The following ABLIM2 variants were observed in gnomAD, a reference collection of about 807,000 sequenced individuals.
The protein encoded by ABLIM2 is actin binding LIM protein family member 2.
In ABLIM2, 53 loss-of-function variants were observed where a neutral mutation model predicts 97.7. That is an observed-to-expected ratio of 0.54 (90% CI 0.44 to 0.68). The LOEUF is 0.68. Ranked by LOEUF, ABLIM2 falls within the 30% of genes least tolerant of loss-of-function variation. The pLI, the probability that ABLIM2 is intolerant of heterozygous loss-of-function variation, is 0.00. For synonymous variants in ABLIM2, 361 were observed against 345.8 expected (o/e 1.04, Z -0.49); for missense variants, 835 against 867.2 (o/e 0.96, Z 0.47).
chr4:8,116,795 C>T (rs1056509434), intron 1 of ABLIM2, among the ~76,000 whole-genome samples: 12 of 145,784 alleles, frequency 8.2e-5, no homozygotes, highest in African/African-American at 3.0e-4. Flanking sequence ...ACAGCAGCTT[C>T]CCTGCTCTGG....
At position 8,088,294 on chromosome 4, in the gene ABLIM2, G is replaced by T; in HGVS notation, c.339-10C>A. 1 of 1,609,478 alleles carries T rather than the reference G, an allele frequency of 6.2e-7. No individual in the cohort carries two copies. The highest frequency in any genetic ancestry group is 1.1e-5 in the South Asian group (1 of 90,340). ...GGGGGGGAAGGGCAGCCTGAAACAA[G>T]AGAGCTCGTTACCAGCCAGGCCCAC... On this transcript the variant is annotated splice_polypyrimidine_tract_variant and intron_variant, in intron 3 of 20. Coordinates refer to ENST00000447017, the MANE Select transcript of ABLIM2 (RefSeq NM_001130083.2).
chr4:8,070,380 G>A (rs183174625), intron 6 of ABLIM2, among the ~76,000 whole-genome samples: 22 of 151,986 alleles, frequency 1.4e-4, no homozygotes, highest in Non-Finnish European at 3.2e-4. Flanking sequence ...CTGTGGGGGT[G>A]GCACTATGAA....
intron 8 of ABLIM2, among the ~76,000 whole-genome samples, chr4:8,049,067 T>G (rs1343043773): frequency 6.6e-6 from 1 of 152,180 alleles, no homozygotes; most frequent in Non-Finnish European, 1.5e-5. Context: ...CTGTGACCAC[T>G]GCCAGCTGGG....
chr4:8,068,128 C>T lies in ABLIM2; in HGVS notation c.676-7074G>A, dbSNP rs564085217. On this transcript the variant is annotated intron_variant, in intron 6 of 20. Coordinates refer to ENST00000447017, the MANE Select transcript of ABLIM2 (RefSeq NM_001130083.2). The surrounding 1 kb of genome is among the most constrained non-coding windows in gnomAD (Gnocchi z 4.5). ...TGGCCACATCCTCCCAATTGCCACC[C>T]GAGGAGTGCCTGAAACCTCGGCCGC... Among the ~76,000 whole-genome samples, 7 of 152,252 alleles carry T rather than the reference C, an allele frequency of 4.6e-5. No homozygotes were observed. In the East Asian group the frequency reaches 7.7e-4, roughly 17 times the overall value.
chr4:8,011,417 G>T (rs1176649721), intron 14 of ABLIM2, among the ~76,000 whole-genome samples: 6 of 152,208 alleles, frequency 3.9e-5, no homozygotes, highest in Non-Finnish European at 8.8e-5. Context: ...AGCTTGGGTA[G>T]GAAAAGACAG....
chr4:8,038,715 C>G (rs1404610755), intron 9 of ABLIM2, among the ~76,000 whole-genome samples: 1 of 152,196 alleles, frequency 6.6e-6, no homozygotes, highest in East Asian at 1.9e-4. Context: ...CCTCTGGCTG[C>G]CCCTTTGGAG....
At position 8,150,838 on chromosome 4, in the gene ABLIM2, A is replaced by C. The variant is rs1021340813; in HGVS notation, c.10+7842T>G. 6.6e-6 allele frequency among the ~76,000 whole-genome samples: 1 copy of C among 152,118 alleles called. No individual in the cohort carries two copies. Among genetic ancestry groups the C allele is most frequent in the African/African-American group, 2.4e-5 (1 of 41,428 alleles). ...TGGGGCTGGCAGGGGAGACAGCAGG[A>C]CCAGAGAAGGGGAGGGGAAGCTATG... On this transcript the variant is annotated intron_variant, in intron 1 of 20. Coordinates refer to ENST00000447017, the MANE Select transcript of ABLIM2 (RefSeq NM_001130083.2). This position sits in a 1 kb window ranked among gnomAD's most constrained non-coding sequence, Gnocchi z 6.3.
intron 1 of ABLIM2, among the ~76,000 whole-genome samples, chr4:8,136,608 A>G (rs967819886): frequency 4.6e-5 from 7 of 152,198 alleles, no homozygotes; most frequent in Non-Finnish European, 7.3e-5. Context: ...CCTGTTGCCC[A>G]CCTGAGTACC....
chr4:8,059,591 A>T (rs1394796997), intron 7 of ABLIM2, among the ~76,000 whole-genome samples: 1 of 151,922 alleles, frequency 6.6e-6, no homozygotes, highest in African/African-American at 2.4e-5. Flanking sequence ...CCGTTGTCTC[A>T]GCCTGAGGTC....
chr4:8,106,189 G>A (rs1036971589), intron 2 of ABLIM2, among the ~76,000 whole-genome samples: 1 of 152,188 alleles, frequency 6.6e-6, no homozygotes, highest in East Asian at 1.9e-4. Context: ...ACAGTGCTCA[G>A]GTGGCCACCT....
chr4:7,972,441 G>A (rs1004142470), intron 20 of ABLIM2, among the ~76,000 whole-genome samples: 2 of 152,214 alleles, frequency 1.3e-5, no homozygotes, highest in African/African-American at 4.8e-5. Context: ...CTGGGGCTAT[G>A]CTGTGTCCCT....
intron 6 of ABLIM2, among the ~76,000 whole-genome samples, chr4:8,074,233 C>A (rs1430940162): frequency 6.6e-6 from 1 of 151,994 alleles, no homozygotes; most frequent in African/African-American, 2.4e-5. Context: ...GTGGAAGGAT[C>A]ACTTGAGGCC....
At chr4:7,973,676 C>T (rs554175764) in intron 20 of ABLIM2, among the ~76,000 whole-genome samples, 6 of 152,258 alleles carry the variant, frequency 3.9e-5, no homozygotes, top group African/African-American at 9.6e-5. Flanking sequence ...CCTGTGGCTA[C>T]GGGGTTGTTT....
At chr4:8,152,369 C>T (rs1439607063) in intron 1 of ABLIM2, among the ~76,000 whole-genome samples, 1 of 152,148 alleles carries the variant, frequency 6.6e-6, no homozygotes, top group Non-Finnish European at 1.5e-5. Context: ...GCAGGCATTT[C>T]TTCCTCCGTA....
intron 20 of ABLIM2, among the ~76,000 whole-genome samples, chr4:7,973,375 CCTGTAGTCCCAGCTACCCGGGAGG>C (rs1403696219): frequency 6.9e-6 from 1 of 144,284 alleles, no homozygotes; most frequent in Admixed American, 6.7e-5. Context: ...GTGGTACATG[CCTGTAGTCCCAGCTACCCGGGAGG>C]CTGAGGCAGG....
At chr4:7,993,822 G>T in intron 16 of ABLIM2, 1 of 449,460 alleles carries the variant, frequency 2.2e-6, no homozygotes, top group African/African-American at 2.0e-5. Flanking sequence ...GCTCGCTGGG[G>T]CTGTCAGGAG....
At position 8,140,656 on chromosome 4, in the gene ABLIM2, T is replaced by C. The variant is rs1850841565; in HGVS notation, c.10+18024A>G. 6.6e-6 allele frequency among the ~76,000 whole-genome samples: 1 copy of C among 151,736 alleles called. No individual in the cohort carries two copies. The highest frequency in any genetic ancestry group is 1.5e-5 in the Non-Finnish European group (1 of 67,932). ...GATGATGGAAGCAATGATGATAAAATCGACCCCAGAGAATACACAAGAGGG... is the reference window on the plus strand; with the variant it reads ...GATGATGGAAGCAATGATGATAAAACCGACCCCAGAGAATACACAAGAGGG... On this transcript the variant is annotated intron_variant, in intron 1 of 20. Coordinates refer to ENST00000447017, the MANE Select transcript of ABLIM2 (RefSeq NM_001130083.2). The surrounding 1 kb of genome is among the most constrained non-coding windows in gnomAD (Gnocchi z 5.9).
intron 20 of ABLIM2, 25 bp from the exon 21 acceptor site, chr4:7,967,128 A>C: frequency 2.5e-6 from 4 of 1,591,946 alleles, no homozygotes; most frequent in South Asian, 1.1e-5. Flanking sequence ...GCAAAACAGA[A>C]GGGACCAGTT....
chr4:8,042,154 C>G (rs1209678367), intron 9 of ABLIM2, among the ~76,000 whole-genome samples: 1 of 152,194 alleles, frequency 6.6e-6, no homozygotes, highest in Non-Finnish European at 1.5e-5. Context: ...CAGGGTCTCT[C>G]TGACCGCCTC....
Sources: gnomAD v4.1 joint callset for allele counts (sites outside exome capture counted in the v4.1 genomes callset) on GRCh38, gnomAD v4.1.1 for gene constraint, Gnocchi (gnomAD v3.1) non-coding constraint, MANE v1.5 for transcripts, NCBI Gene and HGNC (gene_info 2026-07-23, HGNC 2026-07-21) for gene names.